The following NRG4 variants were observed in gnomAD, a reference collection of about 807,000 sequenced individuals.
NRG4 encodes the protein neuregulin 4.
A neutral mutation model predicts 15.0 loss-of-function variants in NRG4; 10 were observed. The ratio of observed to expected loss-of-function variants is 0.67; its 90% CI spans 0.41 to 1.13. NRG4 has a LOEUF of 1.13. Among genes scored for constraint, NRG4 ranks in the 50% most tolerant of loss-of-function variants. NRG4 has a pLI of 0.00. For synonymous variants in NRG4, 41 were observed against 50.1 expected (o/e 0.82, Z 0.77); for missense variants, 139 against 140.2 (o/e 0.99, Z 0.04).
chr15:76,058,097 A>G lies in NRG4; in HGVS notation c.-327-1078T>C, dbSNP rs562745668. 2.6e-5 allele frequency among the ~76,000 whole-genome samples: 4 copies of G among 152,276 alleles called. No homozygotes were observed. The East Asian group carries it at 5.8e-4, about 22-fold the overall frequency. On this transcript the variant is annotated intron_variant, in intron 1 of 8. Transcript: ENST00000563910. ...TAAGTAGAGTTCTACTAAGGTGGAA[A>G]ATGGAGTGGATAACAATCTGGGCAA...
At chr15:76,024,927 G>T (rs1204130951) in intron 5 of NRG4, among the ~76,000 whole-genome samples, 1 of 152,062 alleles carries the variant, frequency 6.6e-6, no homozygotes, top group African/African-American at 2.4e-5. Context: ...GGGGGCAATT[G>T]TTCCACCAAA....
At chr15:76,056,330 G>A (rs959506520) in intron 2 of NRG4, among the ~76,000 whole-genome samples, 27 of 152,024 alleles carry the variant, frequency 1.8e-4, no homozygotes, top group African/African-American at 6.3e-4. Flanking sequence ...GCTGGCGCAT[G>A]CCTGTAATCC....
At chr15:76,046,904 A>G (rs544200099) in intron 4 of NRG4, among the ~76,000 whole-genome samples, 1 of 151,134 alleles carries the variant, frequency 6.6e-6, no homozygotes, top group Non-Finnish European at 1.5e-5. Flanking sequence ...CAAACTATCC[A>G]TTTGACAAAG....
chr15:75,951,503 TTTAAC>T (rs2031903027), intron 5 of NRG4, among the ~76,000 whole-genome samples: 2 of 152,308 alleles, frequency 1.3e-5, no homozygotes, highest in Admixed American at 1.3e-4. Context: ...TCCTTTTGCT[TTTAAC>T]TTGTGTCTTT....
At chr15:75,956,342 C>A (rs1555430258) in intron 4 of NRG4, among the ~76,000 whole-genome samples, 1 of 152,074 alleles carries the variant, frequency 6.6e-6, no homozygotes, top group Non-Finnish European at 1.5e-5. Flanking sequence ...AATTTTTGTG[C>A]TCTTTTTAAA....
At chr15:75,946,779 T>TA (rs2031550705) in intron 5 of NRG4, among the ~76,000 whole-genome samples, 1 of 152,240 alleles carries the variant, frequency 6.6e-6, no homozygotes, top group Non-Finnish European at 1.5e-5. Flanking sequence ...TTGCCTATTC[T>TA]AGGTGCCTTG....
At chr15:76,019,559 G>A (rs2035087872) in intron 5 of NRG4, among the ~76,000 whole-genome samples, 1 of 152,300 alleles carries the variant, frequency 6.6e-6, no homozygotes, top group South Asian at 2.1e-4. Context: ...ATCTGGGCTG[G>A]AGTGCACCGT....
chr15:76,034,226 A>G (rs2035546283), intron 5 of NRG4, among the ~76,000 whole-genome samples: 1 of 152,210 alleles, frequency 6.6e-6, no homozygotes, highest in Non-Finnish European at 1.5e-5. Flanking sequence ...TCCTTTGTTA[A>G]TATAACTGTG....
intron 3 of NRG4, among the ~76,000 whole-genome samples, chr15:75,996,873 T>G (rs762395505): frequency 1.9e-4 from 29 of 152,190 alleles, no homozygotes; most frequent in Non-Finnish European, 1.5e-4. Context: ...ATATTACACA[T>G]CACTACTTGA....
chr15:75,949,688 T>A (rs998263170), intron 5 of NRG4, among the ~76,000 whole-genome samples: 1 of 152,242 alleles, frequency 6.6e-6, no homozygotes, highest in Non-Finnish European at 1.5e-5. Flanking sequence ...AAAGACTTTC[T>A]CTTATGTTTT....
intron 4 of NRG4, among the ~76,000 whole-genome samples, chr15:76,044,353 A>G (rs1047392588): frequency 6.6e-6 from 1 of 150,600 alleles, no homozygotes; most frequent in Non-Finnish European, 1.5e-5. Flanking sequence ...GGGAAAGGAC[A>G]GTCTCTTCAA....
chr15:76,045,794 G>GGGCT (rs1331046707), intron 4 of NRG4, among the ~76,000 whole-genome samples: 1 of 150,780 alleles, frequency 6.6e-6, no homozygotes, highest in Non-Finnish European at 1.5e-5. Flanking sequence ...GTGGAGCAGG[G>GGGCT]GGCTGGTTGG....
At chr15:76,045,900 A>G (rs1382259094) in intron 4 of NRG4, among the ~76,000 whole-genome samples, 1 of 150,924 alleles carries the variant, frequency 6.6e-6, no homozygotes, top group Admixed American at 6.6e-5. Flanking sequence ...GTAAAAAATA[A>G]TGTAATTGTA....
chr15:75,960,306 T>C (rs1240199846), intron 4 of NRG4, among the ~76,000 whole-genome samples: 6 of 152,174 alleles, frequency 3.9e-5, no homozygotes, highest in Admixed American at 6.5e-5. Flanking sequence ...TTTCCAAACA[T>C]AGATACATTT....
In NRG4 at chr15:76,054,333, T is replaced by C. The variant is rs535466054; in HGVS notation, c.-261-1350A>G. ...CTTGAACTCCTTAGCTCAAGCGATC[T>C]GCCCGCCTCAGCCTCCCAAAGTGCT... On this transcript the variant is annotated intron_variant, in intron 2 of 8. Transcript: ENST00000563910. 2.8e-3 allele frequency among the ~76,000 whole-genome samples: 397 copies of C among 142,092 alleles called. 27 individuals carry two copies. The highest frequency in any genetic ancestry group is 0.011 in the African/African-American group (381 of 35,266). 93.2% of individuals were successfully genotyped at this position (142,092 alleles called of 152,430 possible).
At chr15:75,950,583 C>T in intron 5 of NRG4, 2 of 246,796 alleles carry the variant, frequency 8.1e-6, no homozygotes, top group Non-Finnish European at 1.8e-5. Context: ...TTGTTTCCAG[C>T]ATCCTCCAAG....
upstream of NRG4, among the ~76,000 whole-genome samples, chr15:76,014,490 G>A (rs560992024): frequency 4.6e-5 from 7 of 152,252 alleles, no homozygotes; most frequent in Middle Eastern, 3.4e-3. Flanking sequence ...TTAGGTGTAT[G>A]TCTTTAATCC....
chr15:76,020,638 A>T (rs2035122807), intron 5 of NRG4, among the ~76,000 whole-genome samples: 1 of 152,278 alleles, frequency 6.6e-6, no homozygotes, highest in Non-Finnish European at 1.5e-5. Context: ...TAATGTTTTA[A>T]GAAGTTTATG....
At chr15:76,048,403 C>G (rs1359045126) in intron 4 of NRG4, among the ~76,000 whole-genome samples, 1 of 136,784 alleles carries the variant, frequency 7.3e-6, no homozygotes, top group African/African-American at 2.9e-5. Flanking sequence ...ACGCAGGAGG[C>G]AGAGGTTGCA....
Sources: gnomAD v4.1 joint callset for allele counts (sites outside exome capture counted in the v4.1 genomes callset) on GRCh38, gnomAD v4.1.1 for gene constraint, MANE v1.5 for transcripts, NCBI Gene and HGNC (gene_info 2026-07-23, HGNC 2026-07-21) for gene names.